Variants in UNC13A observed in about 807,000 individuals in gnomAD.
UNC13A encodes unc-13 homolog A, also known as protein unc-13 homolog A.
UNC13A carries 61 observed loss-of-function variants against 219.7 expected under a neutral mutation model. That is an observed-to-expected ratio of 0.28 (90% confidence interval 0.23 to 0.34). The LOEUF (loss-of-function observed/expected upper bound fraction) is 0.34, where lower values mean the gene tolerates loss of function less well. Ranked by LOEUF, UNC13A falls within the 10% of genes least tolerant of loss-of-function variation. The pLI, the probability that UNC13A is intolerant of heterozygous loss-of-function variation, is 1.00. For synonymous variants in UNC13A, 920 were observed against 884.6 expected (o/e 1.04, Z -0.71); for missense variants, 1,476 against 2,270.3 (o/e 0.65, Z 7.11).
chr19:17,665,456 G>A (rs756999637), intron 7 of UNC13A, among the ~76,000 whole-genome samples: 88 of 152,188 alleles, frequency 5.8e-4, no homozygotes, highest in Non-Finnish European at 7.6e-4. Context: ...GACAACTGCA[G>A]CCTTGATGGA....
chr19:17,659,829 G>T (rs1483828006), intron 8 of UNC13A, among the ~76,000 whole-genome samples: 1 of 152,074 alleles, frequency 6.6e-6, no homozygotes, highest in Non-Finnish European at 1.5e-5. Context: ...AGGGGAAGAG[G>T]ATGTAAAAAA....
chr19:17,663,989 T>G (rs911020872), intron 7 of UNC13A, among the ~76,000 whole-genome samples: 20 of 150,774 alleles, frequency 1.3e-4, no homozygotes, highest in African/African-American at 4.7e-4. Flanking sequence ...GGTTTTCTTT[T>G]TGTTTTTTTG....
intron 19 of UNC13A, among the ~76,000 whole-genome samples, 185 bp downstream of exon 19, chr19:17,645,489 C>T (rs1043746590): frequency 6.6e-6 from 1 of 152,106 alleles, no homozygotes; most frequent in African/African-American, 2.4e-5. Context: ...GCTCTGCTCA[C>T]CCTCCTGGCC....
At chr19:17,676,065 G>A (rs1451875978) in intron 1 of UNC13A, 24 bp from the exon 2 acceptor site, 23 of 1,551,772 alleles carry the variant, frequency 1.5e-5, no homozygotes, top group Non-Finnish European at 1.9e-5. Context: ...CAGAGATAGG[G>A]AAGGGAGGTG....
chr19:17,647,164 T>G (rs2145064212), intron 17 of UNC13A, 101 bp downstream of exon 17: 2 of 1,115,090 alleles, frequency 1.8e-6, no homozygotes. Flanking sequence ...ACCGAGTGAG[T>G]GCGCGCTGCA....
rs748634534 is a variant in UNC13A, at chr19:17,688,213, C to T, written c.-14G>A. 39 of 1,500,678 alleles carry T rather than the reference C, an allele frequency of 2.6e-5. No homozygotes were observed. Among genetic ancestry groups the T allele is most frequent in the South Asian group, 5.0e-5 (4 of 79,530 alleles). 93.0% of individuals were successfully genotyped at this position (1,500,678 alleles called of 1,614,324 possible). A position where few individuals can be genotyped will look rare whatever the true frequency, so the allele number is the denominator to read the frequency against. ...AAGCAGAGACATGTCTCCGAGCTCG[C>T]AGGTGGGCCGGAGGCGGCCGGGCCG... On this transcript the variant is annotated 5_prime_UTR_variant, in exon 1 of 44. Coordinates refer to ENST00000519716, the MANE Select transcript of UNC13A (RefSeq NM_001080421.3).
chr19:17,630,321 A>G (rs1216169758), intron 29 of UNC13A, 33 bp from the exon 30 acceptor site: 3 of 1,554,864 alleles, frequency 1.9e-6, no homozygotes, highest in Non-Finnish European at 2.6e-6. Context: ...AGGAAGGAGG[A>G]GATCAGCACC....
At chr19:17,686,831 G>A (rs990145013) in intron 1 of UNC13A, among the ~76,000 whole-genome samples, 2 of 151,822 alleles carry the variant, frequency 1.3e-5, no homozygotes, top group Non-Finnish European at 2.9e-5. Flanking sequence ...GGGAGGGGAG[G>A]GAGGAGGAGG....
intron 15 of UNC13A, 130 bp downstream of exon 15, chr19:17,648,782 G>T: frequency 6.8e-7 from 1 of 1,476,906 alleles, no homozygotes; most frequent in Non-Finnish European, 9.2e-7. Flanking sequence ...CGGAATCCAC[G>T]CTGCCTTCTG....
Position 17,606,216 on chromosome 19 carries a change from G to C in UNC13A, c.4950C>G (p.Ala1650=). The C allele has an allele frequency of 1.3e-6, 2 of 1,554,912 alleles. No individual in the cohort carries two copies. Among genetic ancestry groups the C allele is most frequent in the Non-Finnish European group, 1.7e-6 (2 of 1,150,902 alleles). ...LRELAQRGSA[A]CWLPLGRRIH... is the part of the protein sequence containing the mutation. ...TGCGGCGGCCGAGCGGCAGCCAGCA[G>C]GCGGCGCTCCCGCGCTGGGCCAGCT... Residue 1650 remains alanine (A), a synonymous_variant, in exon 44 of 44, where the codon GCC becomes GCG. Transcript: ENST00000519716.
At chr19:17,663,239 C>G (rs1485687239) in intron 8 of UNC13A, among the ~76,000 whole-genome samples, 1 of 151,920 alleles carries the variant, frequency 6.6e-6, no homozygotes, top group African/African-American at 2.4e-5. Flanking sequence ...GTCACAGTGC[C>G]CAGCTGGAGA....
chr19:17,653,912 C>T (rs578122550), intron 11 of UNC13A, among the ~76,000 whole-genome samples: 17 of 150,696 alleles, frequency 1.1e-4, no homozygotes, highest in African/African-American at 3.2e-4. Context: ...CTGCCAGCTC[C>T]GCTTCCCGGG....
chr19:17,629,428 A>C lies in UNC13A; in HGVS notation c.3670-105T>G, dbSNP rs2076818292. 2.3e-5 allele frequency: 23 copies of C among 1,018,334 alleles called. No individual in the cohort carries two copies. In the South Asian group the frequency reaches 3.4e-4, roughly 15 times the overall value. The allele number at this position is 1,018,334 out of a possible 1,614,324, so 63.1% of individuals were successfully genotyped here. On this transcript the variant is annotated intron_variant, in intron 30 of 43. Transcript: ENST00000519716. ...GAGATCAGTGATGAACCCAAACCCT[A>C]TTAGGACCTAAGATGGGCCTTTGGG...
In UNC13A at chr19:17,640,554, G is replaced by T; in HGVS notation, c.2744C>A (p.Thr915Asn). ...NAYYAHTTAS[T>N]NVSASDRFAA... ...GAAGCGGTCGGAGGCAGACACGTTG[G>T]TGGAGGCGGTGGTGTGTGCGTAGTA... The change falls in exon 22 of 44, where the codon ACC (threonine) becomes AAC (asparagine). Residue 915 changes from threonine to asparagine, a missense_variant. Physicochemically the swap from Thr to Asn is moderately conservative, Grantham distance 65. This residue lies in a region of UNC13A where 140 missense variants were observed against 270.9 expected (regional missense o/e 0.52). Transcript: ENST00000519716. 6.4e-7 allele frequency: 1 copy of T among 1,555,826 alleles called. No individual in the cohort carries two copies. The highest frequency in any genetic ancestry group is 8.7e-7 in the Non-Finnish European group (1 of 1,150,296).
intron 1 of UNC13A, among the ~76,000 whole-genome samples, chr19:17,677,554 A>G (rs928087460): frequency 6.1e-4 from 92 of 151,980 alleles, no homozygotes; most frequent in African/African-American, 2.2e-3. Context: ...TAGTAGAGAC[A>G]GGGTTTCAGT....
rs970593855 is a variant in UNC13A at position 17,674,527 on chromosome 19, G to A, written c.152+130C>T. The A allele has an allele frequency of 9.7e-6, 7 of 722,630 alleles. No individual in the cohort carries two copies. Among genetic ancestry groups the A allele is most frequent in the African/African-American group, 1.7e-5 (1 of 57,504 alleles). The allele number at this position is 722,630 out of a possible 1,614,324, so 44.8% of individuals were successfully genotyped here. On this transcript the variant is annotated intron_variant, in intron 3 of 43. Coordinates refer to ENST00000519716, the MANE Select transcript of UNC13A (RefSeq NM_001080421.3). This position sits in a 1 kb window ranked among gnomAD's most constrained non-coding sequence, Gnocchi z 5.0. ...GTGTTTTGGAGGTGAAGGTGATAAGGTGGACAGGGGAAGAGGGAGGACAGA... is the reference window on the plus strand; with the variant it reads ...GTGTTTTGGAGGTGAAGGTGATAAGATGGACAGGGGAAGAGGGAGGACAGA...
rs2076767234 is a variant in UNC13A at position 17,624,966 on chromosome 19, G to T, written c.4074-14C>A. 1 of 1,610,718 alleles carries T rather than the reference G, an allele frequency of 6.2e-7. No individual in the cohort carries two copies. Among genetic ancestry groups the T allele is most frequent in the Non-Finnish European group, 8.5e-7 (1 of 1,177,896 alleles). The stretch of plus-strand genomic sequence containing the variant: ...AAGAGGGTCAGGCTGGGGACGAGGG[G>T]CAGGTCTGAGAGAGGGCCCAGCTCG... On this transcript the variant is annotated splice_polypyrimidine_tract_variant and intron_variant, in intron 34 of 43. Coordinates refer to ENST00000519716, the MANE Select transcript of UNC13A (RefSeq NM_001080421.3).
At chr19:17,620,856 G>C in intron 37 of UNC13A, 134 bp from the exon 38 acceptor site, 2 of 990,216 alleles carry the variant, frequency 2.0e-6, no homozygotes, top group Non-Finnish European at 3.2e-6. Flanking sequence ...GGGTCTAATG[G>C]TGGGCCCCCT....
At chr19:17,619,758 T>A (rs2076708390) in intron 38 of UNC13A, among the ~76,000 whole-genome samples, 1 of 152,056 alleles carries the variant, frequency 6.6e-6, no homozygotes, top group South Asian at 2.1e-4. Flanking sequence ...GGAAAAATCC[T>A]CCCTCTATAC....
Sources: gnomAD v4.1 joint callset for allele counts (sites outside exome capture counted in the v4.1 genomes callset) on GRCh38, gnomAD v4.1.1 for gene constraint, gnomAD v4.1.1 regional missense constraint, Gnocchi (gnomAD v3.1) non-coding constraint, MANE v1.5 for transcripts, NCBI Gene and HGNC (gene_info 2026-07-23, HGNC 2026-07-21) for gene names.